Variants in TMEM87A observed in about 807,000 individuals in gnomAD.
The protein encoded by TMEM87A is transmembrane protein 87A.
In TMEM87A, 50 loss-of-function variants were observed where a neutral mutation model predicts 90.0. That is an observed-to-expected ratio of 0.56 (90% CI 0.44 to 0.70). TMEM87A has a LOEUF of 0.70. Among genes scored for constraint, TMEM87A ranks in the 30% least tolerant of loss-of-function variants. The pLI, the probability that TMEM87A is intolerant of heterozygous loss-of-function variation, is 0.00. For missense variants in TMEM87A, 577 were observed against 660.5 expected (o/e 0.87, Z 1.39); for synonymous variants, 226 against 226.7 (o/e 1.00, Z 0.03).
intron 10 of TMEM87A, among the ~76,000 whole-genome samples, chr15:42,233,800 A>G (rs2050726895): frequency 1.3e-5 from 2 of 152,164 alleles, no homozygotes; most frequent in South Asian, 4.1e-4. Flanking sequence ...CTAAAGAAAC[A>G]GGGTCTCACT....
chr15:42,263,408 TTTTG>T, intron 4 of TMEM87A, among the ~76,000 whole-genome samples: 1 of 152,050 alleles, frequency 6.6e-6, no homozygotes, highest in East Asian at 1.9e-4. Context: ...GGTGGGGAAT[TTTTG>T]TTTAATAGGT....
chr15:42,218,626 A>AC (rs1403653326), intron 17 of TMEM87A, among the ~76,000 whole-genome samples: 1 of 152,116 alleles, frequency 6.6e-6, no homozygotes, highest in Non-Finnish European at 1.5e-5. Context: ...TAGGAATTCA[A>AC]CTTTTTTAGA....
chr15:42,245,070 T>C (rs1311767159), intron 6 of TMEM87A, among the ~76,000 whole-genome samples: 1 of 152,176 alleles, frequency 6.6e-6, no homozygotes, highest in African/African-American at 2.4e-5. Flanking sequence ...TTATATTCCA[T>C]GATAAAAATC....
chr15:42,258,999 GAA>G, intron 6 of TMEM87A: 1 of 816,876 alleles, frequency 1.2e-6, no homozygotes, highest in Non-Finnish European at 2.1e-6. Flanking sequence ...ATCTAGGAAA[GAA>G]AAGCAAGCTT....
At chr15:42,271,118 G>A (rs1027695020) in intron 2 of TMEM87A, among the ~76,000 whole-genome samples, 4 of 152,138 alleles carry the variant, frequency 2.6e-5, no homozygotes, top group Non-Finnish European at 5.9e-5. Context: ...GCCGGTTTCA[G>A]AACTAAAAGG....
chr15:42,234,130 T>C (rs187660934), intron 10 of TMEM87A, among the ~76,000 whole-genome samples: 87 of 152,286 alleles, frequency 5.7e-4, no homozygotes, highest in Non-Finnish European at 1.0e-3. Context: ...CCATCAAATC[T>C]AAAAATTCTA....
chr15:42,219,841 G>A (rs1433000824), intron 16 of TMEM87A, among the ~76,000 whole-genome samples, 199 bp from the exon 17 acceptor site: 5 of 152,136 alleles, frequency 3.3e-5, no homozygotes, highest in African/African-American at 1.2e-4. Context: ...GAAGTTCAAA[G>A]CAAAATTTTT....
chr15:42,248,316 T>C (rs2051016528), intron 6 of TMEM87A, among the ~76,000 whole-genome samples: 1 of 152,196 alleles, frequency 6.6e-6, no homozygotes, highest in Non-Finnish European at 1.5e-5. Context: ...CTTCCAACAC[T>C]ATGTTGAATA....
At chr15:42,243,313 T>C (rs1468451690) in intron 7 of TMEM87A, among the ~76,000 whole-genome samples, 2 of 33,542 alleles carry the variant, frequency 6.0e-5, no homozygotes, top group Non-Finnish European at 1.1e-4. Flanking sequence ...AATAAATAAA[T>C]AAAAAAAAAG....
intron 7 of TMEM87A, among the ~76,000 whole-genome samples, chr15:42,243,781 A>C (rs1249883778): frequency 6.6e-6 from 1 of 152,078 alleles, no homozygotes; most frequent in Non-Finnish European, 1.5e-5. Flanking sequence ...CGGCCTCCCA[A>C]AGTGCTAGGA....
rs112757742 is a variant in TMEM87A at position 42,257,667 on chromosome 15, T to C, written c.504+3291A>G. On this transcript the variant is annotated intron_variant, in intron 6 of 19. Transcript: ENST00000389834. Reference sequence around the variant, plus strand: ...TACCTCCAGGAATTTAGCCTAAAGATTATAAATGTACACAGAAATATAGCT... The same window carrying C: ...TACCTCCAGGAATTTAGCCTAAAGACTATAAATGTACACAGAAATATAGCT... Among the ~76,000 whole-genome samples the C allele has an allele frequency of 8.1e-3, 1,226 of 152,262 alleles. 8 individuals carry two copies. Among genetic ancestry groups the C allele is most frequent in the Middle Eastern group, 0.037 (11 of 294 alleles).
chr15:42,212,114 G>A (rs2050300271), intron 19 of TMEM87A, among the ~76,000 whole-genome samples: 1 of 152,228 alleles, frequency 6.6e-6, no homozygotes, highest in African/African-American at 2.4e-5. Flanking sequence ...TGAGGGCAAA[G>A]ACGTGCACCT....
intron 6 of TMEM87A, among the ~76,000 whole-genome samples, 181 bp from the exon 7 acceptor site, chr15:42,244,348 T>C (rs940192537): frequency 6.6e-6 from 1 of 152,120 alleles, no homozygotes; most frequent in South Asian, 2.1e-4. Context: ...GTAGGCTAGA[T>C]TATGAATTAC....
intron 6 of TMEM87A, among the ~76,000 whole-genome samples, chr15:42,250,352 T>C (rs1278797842): frequency 1.3e-5 from 2 of 152,242 alleles, no homozygotes; most frequent in Non-Finnish European, 2.9e-5. Flanking sequence ...ATGCAGTTTC[T>C]TCCTAGCATC....
chr15:42,252,471 T>C (rs2051104770), intron 6 of TMEM87A, among the ~76,000 whole-genome samples: 1 of 152,208 alleles, frequency 6.6e-6, no homozygotes, highest in South Asian at 2.1e-4. Context: ...TAGTTTGAGA[T>C]TTGTGAGCCT....
intron 18 of TMEM87A, 30 bp from the exon 19 acceptor site, chr15:42,217,863 C>T: frequency 6.2e-7 from 1 of 1,606,474 alleles, no homozygotes; most frequent in Non-Finnish European, 8.5e-7. Context: ...CTAAATTGAA[C>T]AATGTAAAAT....
intron 6 of TMEM87A, among the ~76,000 whole-genome samples, chr15:42,245,488 A>G (rs2050953749): frequency 1.3e-5 from 2 of 151,768 alleles, no homozygotes; most frequent in Admixed American, 1.3e-4. Context: ...TTTATATGCC[A>G]GATAACTCTG....
At chr15:42,232,301 A>G (rs1312711720) in intron 11 of TMEM87A, among the ~76,000 whole-genome samples, 2 of 152,110 alleles carry the variant, frequency 1.3e-5, no homozygotes, top group African/African-American at 4.8e-5. Flanking sequence ...GGCTCACCGC[A>G]GCCTGAACTC....
intron 12 of TMEM87A, among the ~76,000 whole-genome samples, chr15:42,230,644 A>G (rs770670806): frequency 2.6e-5 from 4 of 152,184 alleles, no homozygotes; most frequent in Admixed American, 6.5e-5. Context: ...TTTATTCTGA[A>G]GGGTGGAAAT....
Sources: allele counts gnomAD v4.1 joint callset (sites outside exome capture counted in the v4.1 genomes callset), GRCh38; gene constraint gnomAD v4.1.1; transcripts MANE v1.5; gene names NCBI Gene and HGNC (gene_info 2026-07-23, HGNC 2026-07-21).